SNAP25: variants seen among roughly 807,000 people sequenced by gnomAD.
SNAP25 encodes synaptosomal-associated protein 25.
Under a neutral mutation model 28.7 loss-of-function variants are expected in SNAP25, and 3 were observed. That is an observed-to-expected ratio of 0.10 (90% CI 0.05 to 0.27). The LOEUF is 0.27. SNAP25 is among the 10% of genes least tolerant of loss of function. The pLI is 1.00. For missense variants in SNAP25, 117 were observed against 278.7 expected (o/e 0.42, Z 4.13); for synonymous variants, 61 against 88.1 (o/e 0.69, Z 1.72).
At chr20:10,244,379 A>G (rs1262578681) in intron 1 of SNAP25, among the ~76,000 whole-genome samples, 3 of 152,236 alleles carry the variant, frequency 2.0e-5, no homozygotes, top group Admixed American at 6.5e-5. Flanking sequence ...AGCACTTACT[A>G]TATGCCCAGC....
intron 3 of SNAP25, 192 bp downstream of exon 3, chr20:10,277,918 C>G (rs908565255): frequency 3.7e-6 from 2 of 536,656 alleles, no homozygotes; most frequent in Non-Finnish European, 6.6e-6. Context: ...CCTTCACCCT[C>G]CTTCCCAGCC....
intron 1 of SNAP25, among the ~76,000 whole-genome samples, chr20:10,270,595 G>A (rs1413773529): frequency 6.6e-6 from 1 of 152,080 alleles, no homozygotes; most frequent in African/African-American, 2.4e-5. Flanking sequence ...AGCTGCTTGG[G>A]AGGCTGAGGC....
chr20:10,219,015 G>A (rs2062570385), intron 1 of SNAP25, 38 bp downstream of exon 1: 1 of 152,320 alleles, frequency 6.6e-6, no homozygotes, highest in African/African-American at 2.4e-5. Flanking sequence ...CTCTGGCTCG[G>A]GATGGCTGCA....
At chr20:10,281,780 T>A (rs2063781436) in intron 3 of SNAP25, among the ~76,000 whole-genome samples, 1 of 152,200 alleles carries the variant, frequency 6.6e-6, no homozygotes, top group African/African-American at 2.4e-5. Flanking sequence ...GGATTGAGAT[T>A]CTACTCAATG....
At chr20:10,305,971 T>C (rs954302327) in intron 7 of SNAP25, among the ~76,000 whole-genome samples, 158 bp from the exon 8 acceptor site, 1 of 150,920 alleles carries the variant, frequency 6.6e-6, no homozygotes, top group Admixed American at 6.6e-5. Flanking sequence ...AATAGAGCCA[T>C]AGCCGTCATT....
intron 1 of SNAP25, among the ~76,000 whole-genome samples, chr20:10,249,987 C>T (rs563125918): frequency 2.0e-5 from 3 of 152,190 alleles, no homozygotes; most frequent in Admixed American, 1.3e-4. Context: ...TCCAATTCAG[C>T]GGATCTAGGG....
chr20:10,302,436 T>C (rs948635635), intron 7 of SNAP25, among the ~76,000 whole-genome samples: 4 of 152,154 alleles, frequency 2.6e-5, no homozygotes, highest in African/African-American at 9.7e-5. Flanking sequence ...TGAAGGATAG[T>C]AAGAGAACTG....
At position 10,293,036 on chromosome 20, in the gene SNAP25, A is replaced by G. The variant is rs778260551; in HGVS notation, c.164-125A>G. 14 of 1,464,304 alleles carry G rather than the reference A, an allele frequency of 9.6e-6. No individual in the cohort carries two copies. In the Admixed American group the frequency reaches 2.4e-4, roughly 25 times the overall value. 90.7% of individuals were successfully genotyped at this position (1,464,304 alleles called of 1,614,324 possible). A position where few individuals can be genotyped will look rare whatever the true frequency, so the allele number is the denominator to read the frequency against. ...GTACCAGCTCTAATCTGTGGCGTCC[A>G]GTTTTCTTTCTTTTTTTTTTTTTCT... On this transcript the variant is annotated intron_variant, in intron 4 of 7. Coordinates refer to ENST00000254976, the MANE Select transcript of SNAP25 (RefSeq NM_130811.4). The surrounding 1 kb of genome is among the most constrained non-coding windows in gnomAD (Gnocchi z 5.6).
chr20:10,279,383 C>T (rs1450234767), intron 3 of SNAP25, among the ~76,000 whole-genome samples: 1 of 152,154 alleles, frequency 6.6e-6, no homozygotes, highest in African/African-American at 2.4e-5. Flanking sequence ...AGCCTCCAAT[C>T]CCATTTTTCT....
intron 7 of SNAP25, among the ~76,000 whole-genome samples, chr20:10,304,495 A>T (rs1048294341): frequency 2.1e-4 from 32 of 152,244 alleles, no homozygotes; most frequent in African/African-American, 7.7e-4. Context: ...TTCGTATGAT[A>T]AAGTAAGCTG....
chr20:10,301,551 C>T (rs1482262892), intron 7 of SNAP25, among the ~76,000 whole-genome samples: 1 of 151,972 alleles, frequency 6.6e-6, no homozygotes, highest in Non-Finnish European at 1.5e-5. Context: ...TTTCTGATAA[C>T]GGGACAGTAT....
At chr20:10,292,763 C>G (rs993107223) in intron 4 of SNAP25, 2 of 701,510 alleles carry the variant, frequency 2.9e-6, no homozygotes, top group African/African-American at 3.6e-5. Flanking sequence ...AATGCATCCT[C>G]TTGGACAATG....
chr20:10,293,049 T>C lies in SNAP25; in HGVS notation c.164-112T>C. ...TCTGTGGCGTCCAGTTTTCTTTCTTTTTTTTTTTTTCTTTTTTAATGTCAA... is the reference window on the plus strand; with the variant it reads ...TCTGTGGCGTCCAGTTTTCTTTCTTCTTTTTTTTTTCTTTTTTAATGTCAA... On this transcript the variant is annotated intron_variant, in intron 4 of 7. Transcript: ENST00000254976. This position sits in a 1 kb window ranked among gnomAD's most constrained non-coding sequence, Gnocchi z 5.6. 6.8e-7 allele frequency: 1 copy of C among 1,467,982 alleles called. No homozygotes were observed. The highest frequency in any genetic ancestry group is 9.2e-7 in the Non-Finnish European group (1 of 1,081,304). The allele number at this position is 1,467,982 out of a possible 1,614,324, so 90.9% of individuals were successfully genotyped here. A position where few individuals can be genotyped will look rare whatever the true frequency, so the allele number is the denominator to read the frequency against.
At chr20:10,256,117 A>C (rs974507472) in intron 1 of SNAP25, among the ~76,000 whole-genome samples, 27 of 152,234 alleles carry the variant, frequency 1.8e-4, no homozygotes, top group Admixed American at 1.4e-3. Context: ...TCAACACCTA[A>C]GTGTTCCATA....
At chr20:10,288,395 A>C (rs915452137) in intron 4 of SNAP25, among the ~76,000 whole-genome samples, 5 of 152,150 alleles carry the variant, frequency 3.3e-5, no homozygotes, top group Non-Finnish European at 7.4e-5. Context: ...CTGGAATGAA[A>C]AAGAGAAAAC....
At chr20:10,233,681 A>G (rs2062866610) in intron 1 of SNAP25, among the ~76,000 whole-genome samples, 1 of 152,142 alleles carries the variant, frequency 6.6e-6, no homozygotes, top group Non-Finnish European at 1.5e-5. Context: ...TGGGCCAAAT[A>G]TGCTGTTAGG....
At chr20:10,298,573 CTT>C (rs2064163802) in intron 6 of SNAP25, among the ~76,000 whole-genome samples, 1 of 152,218 alleles carries the variant, frequency 6.6e-6, no homozygotes, top group Admixed American at 6.5e-5. Flanking sequence ...AAACAATACT[CTT>C]TTGTCACAGT....
chr20:10,227,966 G>A (rs1421943970), intron 1 of SNAP25, among the ~76,000 whole-genome samples: 2 of 152,064 alleles, frequency 1.3e-5, no homozygotes, highest in African/African-American at 2.4e-5. Flanking sequence ...TTCCTTAAAA[G>A]TGTCCTTCAG....
chr20:10,291,859 T>C lies in SNAP25; in HGVS notation c.164-1302T>C, dbSNP rs540217716. Among the ~76,000 whole-genome samples the C allele has an allele frequency of 2.6e-5, 4 of 152,386 alleles. No homozygotes were observed. In the East Asian group the frequency reaches 7.7e-4, roughly 29 times the overall value. On this transcript the variant is annotated intron_variant, in intron 4 of 7. Coordinates refer to ENST00000254976, the MANE Select transcript of SNAP25 (RefSeq NM_130811.4). Reference sequence around the variant, plus strand: ...ATTAGCCAGCGAAGACATCCATTGCTGCCTTCCTTTAATGGTCTTTTAAAG... The same window carrying C: ...ATTAGCCAGCGAAGACATCCATTGCCGCCTTCCTTTAATGGTCTTTTAAAG...
Sources: gnomAD v4.1 joint callset for allele counts (sites outside exome capture counted in the v4.1 genomes callset) on GRCh38, gnomAD v4.1.1 for gene constraint, Gnocchi (gnomAD v3.1) non-coding constraint, MANE v1.5 for transcripts, NCBI Gene and HGNC (gene_info 2026-07-23, HGNC 2026-07-21) for gene names.